ERCC6L: variants seen among roughly 807,000 people sequenced by gnomAD.
The protein encoded by ERCC6L is ERCC excision repair 6 like, spindle assembly checkpoint helicase, also known as DNA excision repair protein ERCC-6-like.
A neutral mutation model predicts 20.1 loss-of-function variants in ERCC6L; 7 were observed. The ratio of observed to expected loss-of-function variants is 0.35; its 90% confidence interval spans 0.20 to 0.65. The LOEUF is 0.65. Among genes scored for constraint, ERCC6L ranks in the 30% least tolerant of loss-of-function variants. The pLI, the probability that ERCC6L is intolerant of heterozygous loss-of-function variation, is 0.69. For synonymous variants in ERCC6L, 278 were observed against 331.3 expected (o/e 0.84, Z 1.75); for missense variants, 592 against 892.4 (o/e 0.66, Z 4.29).
intron 1 of ERCC6L, among the ~76,000 whole-genome samples, chrX:72,228,776 G>A (rs2042967321): frequency 9.1e-6 from 1 of 109,797 alleles, no homozygotes; most frequent in Non-Finnish European, 1.9e-5. Context: ...AATACCCTAA[G>A]TACATCAACC....
At chrX:72,231,182 C>T (rs978499201) in intron 1 of ERCC6L, among the ~76,000 whole-genome samples, 1 of 111,961 alleles carries the variant, frequency 8.9e-6, no homozygotes, top group Non-Finnish European at 1.9e-5. Flanking sequence ...AAGTCACCAT[C>T]AACAGGATGA....
At chrX:72,226,404 A>G (rs1286395370) in intron 1 of ERCC6L, among the ~76,000 whole-genome samples, 1 of 112,128 alleles carries the variant, frequency 8.9e-6, no homozygotes, top group Non-Finnish European at 1.9e-5. Flanking sequence ...CAACAAGCAG[A>G]TTTATTTGCC....
At chrX:72,225,226 C>T (rs1305668407) in intron 1 of ERCC6L, among the ~76,000 whole-genome samples, 2 of 111,915 alleles carry the variant, frequency 1.8e-5, no homozygotes, top group African/African-American at 6.5e-5. Flanking sequence ...TAGACCGACC[C>T]TGACATAGGC....
At chrX:72,236,384 C>T (rs1315522312) in intron 1 of ERCC6L, among the ~76,000 whole-genome samples, 2 of 111,619 alleles carry the variant, frequency 1.8e-5, no homozygotes, top group Non-Finnish European at 1.9e-5. Flanking sequence ...CTGCAACCTC[C>T]GCCTCCTGGG....
chrX:72,216,086 C>T (rs1389852510), intron 1 of ERCC6L, among the ~76,000 whole-genome samples: 2 of 110,135 alleles, frequency 1.8e-5, no homozygotes, highest in Admixed American at 9.7e-5. Context: ...ACCTGGAGCC[C>T]GTGAATGTGA....
chrX:72,214,523 A>C (rs913263084), intron 1 of ERCC6L, among the ~76,000 whole-genome samples: 1 of 110,017 alleles, frequency 9.1e-6, no homozygotes. Context: ...AAATACAAAA[A>C]TTAGCCAGGC....
chrX:72,208,927 T>A (rs1356348794), intron 1 of ERCC6L, among the ~76,000 whole-genome samples: 1 of 111,641 alleles, frequency 9.0e-6, no homozygotes, highest in Admixed American at 9.5e-5. Flanking sequence ...TTGTGGAAAA[T>A]GAATGTGCAA....
At chrX:72,214,387 G>T (rs1004656396) in intron 1 of ERCC6L, among the ~76,000 whole-genome samples, 2 of 112,195 alleles carry the variant, frequency 1.8e-5, no homozygotes, top group Non-Finnish European at 3.8e-5. Flanking sequence ...AAACAATGTT[G>T]CTTTACTCTT....
At chrX:72,219,826 C>T (rs1184998385) in intron 1 of ERCC6L, among the ~76,000 whole-genome samples, 3 of 100,688 alleles carry the variant, frequency 3.0e-5, no homozygotes, top group Non-Finnish European at 4.0e-5. Flanking sequence ...TCCAGCCTGG[C>T]GACACAGTGA....
intron 1 of ERCC6L, among the ~76,000 whole-genome samples, chrX:72,235,445 G>A (rs1429068355): frequency 3.9e-5 from 4 of 101,757 alleles, no homozygotes; most frequent in Non-Finnish European, 7.9e-5. Context: ...GCCTAGGCTG[G>A]AGTGCAACGG....
intron 1 of ERCC6L, among the ~76,000 whole-genome samples, chrX:72,238,192 C>T (rs2043028396): frequency 8.9e-6 from 1 of 111,769 alleles, no homozygotes; most frequent in African/African-American, 3.3e-5. Context: ...AGTTTCTGCA[C>T]AAAAAGATAA....
At chrX:72,236,758 TATC>T (rs1392937988) in intron 1 of ERCC6L, among the ~76,000 whole-genome samples, 1 of 112,009 alleles carries the variant, frequency 8.9e-6, no homozygotes, top group Non-Finnish European at 1.9e-5. Flanking sequence ...GTTCATTCAA[TATC>T]ATTTTGCTGC....
intron 1 of ERCC6L, among the ~76,000 whole-genome samples, chrX:72,224,398 C>T (rs1055862685): frequency 1.8e-5 from 2 of 110,985 alleles, no homozygotes; most frequent in African/African-American, 6.6e-5. Context: ...ACATCAAAGC[C>T]ACCCTTACTT....
At chrX:72,221,923 CGAAACCCCTTCCTCT>C (rs1290797144) in intron 1 of ERCC6L, among the ~76,000 whole-genome samples, 1 of 109,967 alleles carries the variant, frequency 9.1e-6, no homozygotes, top group Non-Finnish European at 1.9e-5. Context: ...CCCCTTCCCT[CGAAACCCCTTCCTCT>C]GAAACCCCTT....
intron 1 of ERCC6L, among the ~76,000 whole-genome samples, chrX:72,232,995 G>A (rs1047724520): frequency 2.7e-5 from 3 of 110,971 alleles, no homozygotes; most frequent in African/African-American, 9.8e-5. Flanking sequence ...CTGATGGGTT[G>A]GTGGGGAACT....
intron 1 of ERCC6L, among the ~76,000 whole-genome samples, chrX:72,230,635 C>T (rs763966123): frequency 2.7e-5 from 3 of 112,032 alleles, no homozygotes; most frequent in East Asian, 5.6e-4. Context: ...GAAAAGGGAA[C>T]GCTTGTATAC....
chrX:72,230,036 G>A (rs1212897428), intron 1 of ERCC6L, among the ~76,000 whole-genome samples: 7 of 109,663 alleles, frequency 6.4e-5, no homozygotes, highest in African/African-American at 1.7e-4. Context: ...TTGGCTGGGC[G>A]TGGTGGTGGG....
intron 1 of ERCC6L, among the ~76,000 whole-genome samples, chrX:72,215,007 A>C (rs140447443): frequency 7.5e-4 from 84 of 111,861 alleles, no homozygotes; most frequent in African/African-American, 2.6e-3. Flanking sequence ...AACAAACAAA[A>C]AAACCCACCA....
At chrX:72,211,826 G>A (rs759620579) in intron 1 of ERCC6L, among the ~76,000 whole-genome samples, 21 of 111,454 alleles carry the variant, frequency 1.9e-4, no homozygotes, top group Admixed American at 1.7e-3. Flanking sequence ...ACAACTCCTG[G>A]AGGAAGGTGA....
Sources: allele counts gnomAD v4.1 joint callset (sites outside exome capture counted in the v4.1 genomes callset), GRCh38; gene constraint gnomAD v4.1.1; transcripts MANE v1.5; gene names NCBI Gene and HGNC (gene_info 2026-07-23, HGNC 2026-07-21).